Variants in MTUS2 observed in about 807,000 individuals in gnomAD.
The protein encoded by MTUS2 is microtubule associated scaffold protein 2, also known as microtubule-associated tumor suppressor candidate 2.
MTUS2 carries 40 observed loss-of-function variants against 114.1 expected under a neutral mutation model. The observed-to-expected ratio is 0.35, with a 90% CI of 0.27 to 0.46. The LOEUF is 0.46. MTUS2 is among the 20% of genes least tolerant of loss of function. MTUS2 has a pLI of 1.00. For missense variants in MTUS2, 1,679 were observed against 1,705.4 expected (o/e 0.98, Z 0.27); for synonymous variants, 688 against 672.0 (o/e 1.02, Z -0.37).
intron 2 of MTUS2, among the ~76,000 whole-genome samples, chr13:28,855,017 G>T (rs1876531344): frequency 6.6e-6 from 1 of 152,116 alleles, no homozygotes; most frequent in Non-Finnish European, 1.5e-5. Flanking sequence ...GTTTCTCCGA[G>T]GTTCCCAGCT....
chr13:29,213,115 T>C (rs1371952670), intron 5 of MTUS2, among the ~76,000 whole-genome samples: 1 of 152,266 alleles, frequency 6.6e-6, no homozygotes, highest in Non-Finnish European at 1.5e-5. Context: ...AAGATTCTTC[T>C]AGCATCCATA....
chr13:29,489,386 A>G (rs1487022324), intron 11 of MTUS2, among the ~76,000 whole-genome samples: 1 of 152,252 alleles, frequency 6.6e-6, no homozygotes, highest in Admixed American at 6.5e-5. Flanking sequence ...AACAAGACCC[A>G]GTGTGCCATA....
chr13:29,232,591 T>G (rs1296409399), intron 5 of MTUS2, among the ~76,000 whole-genome samples: 1 of 152,040 alleles, frequency 6.6e-6, no homozygotes, highest in African/African-American at 2.4e-5. Flanking sequence ...GCAGAAAGAG[T>G]TCAAAGAATG....
At chr13:29,150,451 G>C (rs1892620204) in intron 5 of MTUS2, among the ~76,000 whole-genome samples, 1 of 152,168 alleles carries the variant, frequency 6.6e-6, no homozygotes, top group South Asian at 2.1e-4. Context: ...ACCTTTGTCA[G>C]ATACATACCT....
At chr13:29,323,804 G>T (rs960149267) in intron 6 of MTUS2, among the ~76,000 whole-genome samples, 2 of 152,294 alleles carry the variant, frequency 1.3e-5, no homozygotes, top group African/African-American at 2.4e-5. Flanking sequence ...TGACATCCAT[G>T]GCCTGCATCT....
At chr13:28,909,785 G>A (rs530631113) in intron 2 of MTUS2, among the ~76,000 whole-genome samples, 30 of 152,260 alleles carry the variant, frequency 2.0e-4, no homozygotes, top group African/African-American at 4.1e-4. Flanking sequence ...AAACCCCATC[G>A]TCTCAGCCCA....
chr13:28,880,604 G>C (rs185584035), intron 2 of MTUS2, among the ~76,000 whole-genome samples: 20 of 152,272 alleles, frequency 1.3e-4, no homozygotes, highest in Non-Finnish European at 2.4e-4. Context: ...GCATACTTTG[G>C]AAAATTTGGG....
At chr13:29,169,101 G>A (rs1186791266) in intron 5 of MTUS2, among the ~76,000 whole-genome samples, 4 of 152,110 alleles carry the variant, frequency 2.6e-5, no homozygotes, top group African/African-American at 9.7e-5. Context: ...TGTGTCCCAG[G>A]CTTGCTGGGG....
intron 5 of MTUS2, among the ~76,000 whole-genome samples, chr13:29,163,922 G>T (rs911572701): frequency 6.6e-6 from 1 of 152,068 alleles, no homozygotes; most frequent in Non-Finnish European, 1.5e-5. Context: ...ACAGGGTGCG[G>T]ACCCCTTTGC....
chr13:29,143,677 A>G (rs998465991), intron 5 of MTUS2, among the ~76,000 whole-genome samples: 2 of 152,170 alleles, frequency 1.3e-5, no homozygotes, highest in African/African-American at 4.8e-5. Context: ...CTAGTATATG[A>G]AATATTTAGT....
intron 5 of MTUS2, among the ~76,000 whole-genome samples, chr13:29,278,749 A>G (rs188022848): frequency 2.8e-3 from 432 of 152,326 alleles, no homozygotes; most frequent in Non-Finnish European, 4.4e-3. Flanking sequence ...GATGTTTCAT[A>G]CTTCTTAAGC....
intron 2 of MTUS2, among the ~76,000 whole-genome samples, chr13:28,870,416 G>A (rs1877551133): frequency 6.6e-6 from 1 of 152,042 alleles, no homozygotes; most frequent in Non-Finnish European, 1.5e-5. Flanking sequence ...GTATGGGAGG[G>A]GGAAGGAGAC....
intron 7 of MTUS2, among the ~76,000 whole-genome samples, chr13:29,335,152 C>T (rs1900988119): frequency 6.6e-6 from 1 of 152,180 alleles, no homozygotes; most frequent in Non-Finnish European, 1.5e-5. Context: ...TTCTTTTTCT[C>T]AGCAAGGAAC....
intron 6 of MTUS2, among the ~76,000 whole-genome samples, chr13:29,306,094 A>T: frequency 6.6e-6 from 1 of 152,232 alleles, no homozygotes; most frequent in East Asian, 1.9e-4. Context: ...ACATTCCTTC[A>T]TGTTAAAAAC....
At position 29,026,841 on chromosome 13, in the gene MTUS2, G is replaced by A. The variant is rs201813544; in HGVS notation, c.2143G>A (p.Val715Met). The A allele has an allele frequency of 5.6e-6, 9 of 1,608,542 alleles. No individual in the cohort carries two copies. The East Asian group carries it at 2.0e-4, about 36-fold the overall frequency. ...AAGGGTCTTCAGTTCCGGATTGATG[G>A]TGTCTGGAATCAAGCCCCCGGGACA... ...KPRVFSSGLM[V>M]SGIKPPGHPF... The change falls in exon 3 of 16, where the codon GTG becomes ATG. Residue 715 changes from valine (V) to methionine (M), a missense_variant. Val to Met is a conservative substitution (Grantham distance 21). Transcript: ENST00000612955.
At chr13:28,844,954 GTTAA>G (rs1875768612) in intron 2 of MTUS2, among the ~76,000 whole-genome samples, 1 of 151,884 alleles carries the variant, frequency 6.6e-6, no homozygotes, top group South Asian at 2.1e-4. Context: ...TAATTTACTT[GTTAA>G]TTAATTTATT....
At chr13:29,308,184 C>A (rs1899570393) in intron 6 of MTUS2, among the ~76,000 whole-genome samples, 1 of 152,280 alleles carries the variant, frequency 6.6e-6, no homozygotes, top group East Asian at 1.9e-4. Context: ...ACTAAAACAG[C>A]ATGGTACTGG....
intron 5 of MTUS2, among the ~76,000 whole-genome samples, chr13:29,214,483 G>T (rs1367187570): frequency 6.6e-6 from 1 of 152,108 alleles, no homozygotes; most frequent in East Asian, 1.9e-4. Flanking sequence ...GTATATTTTT[G>T]CAGTACCTGG....
chr13:28,893,608 C>T (rs566536327), intron 2 of MTUS2, among the ~76,000 whole-genome samples: 1 of 152,230 alleles, frequency 6.6e-6, no homozygotes, highest in East Asian at 1.9e-4. Flanking sequence ...ATGAGTAATT[C>T]TGAAACTTTC....
Sources: allele counts gnomAD v4.1 joint callset (sites outside exome capture counted in the v4.1 genomes callset), GRCh38; gene constraint gnomAD v4.1.1; transcripts MANE v1.5; gene names NCBI Gene and HGNC (gene_info 2026-07-23, HGNC 2026-07-21).